Variants in GGTLC1 observed in about 807,000 individuals in gnomAD.
GGTLC1 encodes the protein glutathione hydrolase light chain 1.
In GGTLC1, 14 loss-of-function variants were observed where a neutral mutation model predicts 19.5. That is an observed-to-expected ratio of 0.72 (90% confidence interval 0.47 to 1.12). The LOEUF (loss-of-function observed/expected upper bound fraction) is 1.12, where lower values mean the gene tolerates loss of function less well. Among genes scored for constraint, GGTLC1 ranks in the 50% most tolerant of loss-of-function variants. GGTLC1 has a pLI of 0.00. For synonymous variants in GGTLC1, 110 were observed against 124.2 expected (o/e 0.89, Z 0.76); for missense variants, 304 against 309.2 (o/e 0.98, Z 0.13).
chr20:23,986,653 G>C lies in GGTLC1; in HGVS notation c.-34-8C>G. The C allele has an allele frequency of 6.2e-7, 1 of 1,605,226 alleles. No homozygotes were observed. The highest frequency in any genetic ancestry group is 8.5e-7 in the Non-Finnish European group (1 of 1,175,166). ...CGAGACCCCAGAGCTGGCCTAGGGA[G>C]GTGGGGAGGGAGGGTGGGGAGGGGG... On this transcript the variant is annotated splice_region_variant and splice_polypyrimidine_tract_variant and intron_variant, in intron 1 of 5. Transcript: ENST00000335694.
chr20:23,986,312 C>T, intron 2 of GGTLC1, 109 bp from the exon 3 acceptor site: 1 of 1,604,906 alleles, frequency 6.2e-7, no homozygotes, highest in Non-Finnish European at 8.5e-7. Flanking sequence ...GATAAGCTAC[C>T]AAGGTTGGGC....
chr20:23,987,877 G>T (rs192648312), intron 1 of GGTLC1, among the ~76,000 whole-genome samples: 5,052 of 146,862 alleles, frequency 0.034, 92 homozygotes, highest in Non-Finnish European at 0.051. Flanking sequence ...GTGAAACCCC[G>T]TCTCTACTAA....
chr20:23,986,695 C>T (rs1987947511), intron 1 of GGTLC1, 50 bp from the exon 2 acceptor site: 13 of 1,557,326 alleles, frequency 8.3e-6, no homozygotes, highest in Non-Finnish European at 1.1e-5. Context: ...TCTCAGAAGG[C>T]CCCTGACTGT....
At chr20:23,987,091 G>A (rs1181002094) in intron 1 of GGTLC1, among the ~76,000 whole-genome samples, 2 of 152,314 alleles carry the variant, frequency 1.3e-5, no homozygotes, top group East Asian at 1.9e-4. Flanking sequence ...GAGGCAATGT[G>A]TGAAAAGAGC....
rs750722593 is a variant in GGTLC1 at position 23,986,388 on chromosome 20, C to A, written c.176+48G>T. The A allele has an allele frequency of 2.5e-6, 4 of 1,605,646 alleles. No individual in the cohort carries two copies. In the Admixed American group the frequency reaches 6.8e-5, roughly 27 times the overall value. On this transcript the variant is annotated intron_variant, in intron 2 of 5. Coordinates refer to ENST00000335694, the MANE Select transcript of GGTLC1 (RefSeq NM_178311.3). ...ACTGGATAAGTGGGCAGTCCCTGAG[C>A]CACCCTCCCCTGGCCCTTTCCCACC...
At position 23,985,655 on chromosome 20, in the gene GGTLC1, C is replaced by A. The variant is rs193141537; in HGVS notation, c.531+12G>T. 2,433 of 1,611,812 alleles carry A rather than the reference C, an allele frequency of 1.5e-3. 2 individuals carry two copies. Among genetic ancestry groups the A allele is most frequent in the Non-Finnish European group, 1.9e-3 (2,242 of 1,179,876 alleles). On this transcript the variant is annotated intron_variant, in intron 5 of 5. Transcript: ENST00000335694. ...CCACACCGTGACTCAGTTTCTCCAA[C>A]CCCCAGCCCACCTGGTCAATGTTTC...
At position 23,985,759 on chromosome 20, in the gene GGTLC1, A is replaced by T; in HGVS notation, c.439T>A (p.Phe147Ile). The change falls in exon 5 of 6, where the codon TTC (phenylalanine) becomes ATC (isoleucine). Residue 147 changes from phenylalanine (F) to isoleucine (I), a missense_variant. Physicochemically the swap from Phe to Ile is conservative, Grantham distance 21. Coordinates refer to ENST00000335694, the MANE Select transcript of GGTLC1 (RefSeq NM_178311.3). ...TALAIIYNLW[F>I]GYDVKWAVEE... ...ACGGCCCACTTCACGTCATAGCCGAACCAGAGGTTGTAGATGATGGCCTGG... is the reference window on the plus strand; with the variant it reads ...ACGGCCCACTTCACGTCATAGCCGATCCAGAGGTTGTAGATGATGGCCTGG... The T allele has an allele frequency of 6.2e-7, 1 of 1,612,028 alleles. No homozygotes were observed. The highest frequency in any genetic ancestry group is 8.5e-7 in the Non-Finnish European group (1 of 1,179,850).
At chr20:23,987,071 C>T (rs553664428) in intron 1 of GGTLC1, among the ~76,000 whole-genome samples, 1 of 152,274 alleles carries the variant, frequency 6.6e-6, no homozygotes. Context: ...TTAGGGAGAG[C>T]TTCTCAGAGG....
chr20:23,987,719 G>A (rs1183250279), intron 1 of GGTLC1, among the ~76,000 whole-genome samples: 13 of 151,636 alleles, frequency 8.6e-5, no homozygotes, highest in Admixed American at 2.0e-4. Context: ...CCCGAAGGCC[G>A]AAGAAAATGC....
At position 23,986,172 on chromosome 20, in the gene GGTLC1, C is replaced by T. The variant is rs773766427; in HGVS notation, c.208G>A (p.Gly70Arg). Residue 70 changes from glycine (G) to arginine (R), a missense_variant, in exon 3 of 6, where the codon GGG becomes AGG. By Grantham distance (125) the Gly-to-Arg change is moderately radical (BLOSUM62 -2). Transcript: ENST00000335694. ...FGSKVRSPVS[G>R]ILLNNEMDDF... ...TCCATTTCATTATTGAGCAGGATCCCGCTGACTGGGGAGCGCACCTTGGAG... is the reference window on the plus strand; with the variant it reads ...TCCATTTCATTATTGAGCAGGATCCTGCTGACTGGGGAGCGCACCTTGGAG... The T allele has an allele frequency of 1.2e-5, 20 of 1,613,158 alleles. No homozygotes were observed. The highest frequency in any genetic ancestry group is 4.4e-5 in the South Asian group (4 of 90,956).
chr20:23,987,088 T>C (rs6036597), intron 1 of GGTLC1, among the ~76,000 whole-genome samples: 147,722 of 152,220 alleles, frequency 0.97, 71,707 homozygotes, highest in East Asian at 1. Context: ...GAGGAGGCAA[T>C]GTGTGAAAAG....
Position 23,986,433 on chromosome 20 carries a change from T to A in GGTLC1, c.176+3A>T. Reference sequence around the variant, plus strand: ...CCCACCCAGGCGGCCCAGCAGCCCCTACTAGAGGTTGATGGTGCTGGTGGC... The same window carrying A: ...CCCACCCAGGCGGCCCAGCAGCCCCAACTAGAGGTTGATGGTGCTGGTGGC... On this transcript the variant is annotated splice_donor_region_variant and intron_variant, in intron 2 of 5. Coordinates refer to ENST00000335694, the MANE Select transcript of GGTLC1 (RefSeq NM_178311.3). 6.2e-7 allele frequency: 1 copy of A among 1,611,574 alleles called. No individual in the cohort carries two copies.
In GGTLC1 at chr20:23,985,218, A is replaced by G. The variant is rs777793056; in HGVS notation, c.676T>C (p.Ter226ArgextTer31). Residue 226 changes from the stop codon to arginine, a stop_lost, in exon 6 of 6, where the codon TGA (stop) becomes CGA (arginine). Transcript: ENST00000335694. ...TCAGCCTTGTCCGCCTGGAGCAATC[A>G]GTAGCCAGCAGGTTCCCCACCTTTC... ...SRKGGEPAGY[*>R] 42 of 1,611,942 alleles carry G rather than the reference A, an allele frequency of 2.6e-5. No individual in the cohort carries two copies. The highest frequency in any genetic ancestry group is 3.6e-5 in the Non-Finnish European group (42 of 1,179,872).
In GGTLC1 at chr20:23,985,506, T is replaced by C. The variant is rs549088168; in HGVS notation, c.532-144A>G. Reference sequence around the variant, plus strand: ...GCAGGTTGGGGCCTGCTGGGTCTCATTGGAGCAAGGGGTTTGGCCCTCATG... The same window carrying C: ...GCAGGTTGGGGCCTGCTGGGTCTCACTGGAGCAAGGGGTTTGGCCCTCATG... On this transcript the variant is annotated intron_variant, in intron 5 of 5. Coordinates refer to ENST00000335694, the MANE Select transcript of GGTLC1 (RefSeq NM_178311.3). The C allele has an allele frequency of 3.3e-5, 52 of 1,594,446 alleles. No homozygotes were observed. In the East Asian group the frequency reaches 6.3e-4, roughly 19 times the overall value.
intron 1 of GGTLC1, among the ~76,000 whole-genome samples, chr20:23,987,863 C>A (rs1447512312): frequency 2.7e-5 from 4 of 148,958 alleles, no homozygotes; most frequent in Non-Finnish European, 5.9e-5. Context: ...TCCTGGCTAA[C>A]ACAGTGAAAC....
intron 4 of GGTLC1, 29 bp downstream of exon 4, chr20:23,985,833 C>T (rs3004172): frequency 0.023 from 37,482 of 1,611,964 alleles, 490 homozygotes; most frequent in Non-Finnish European, 0.027. Context: ...AGGGTGGGCA[C>T]GGCCAGGGAG....
intron 5 of GGTLC1, 138 bp from the exon 6 acceptor site, chr20:23,985,500 G>A: frequency 5.6e-6 from 9 of 1,593,152 alleles, no homozygotes; most frequent in Admixed American, 1.7e-5. Flanking sequence ...GGCCTGCTGG[G>A]TCTCATTGGA....
chr20:23,988,663 C>T lies in GGTLC1; in HGVS notation c.-89G>A, dbSNP rs1343378022. On this transcript the variant is annotated 5_prime_UTR_variant, in exon 1 of 6. Transcript: ENST00000335694. ...ACTCTGTCACCGGCGCCATTAAGTG[C>T]TCACGCGCCCACTCCCTCAGGTTTA... 1.0e-4 allele frequency: 43 copies of T among 419,016 alleles called. No homozygotes were observed. The highest frequency in any genetic ancestry group is 1.4e-4 in the Non-Finnish European group (40 of 294,126). The allele number at this position is 419,016 out of a possible 1,614,324, so 26.0% of individuals were successfully genotyped here.
At position 23,986,654 on chromosome 20, in the gene GGTLC1, G is replaced by A. The variant is rs775727038; in HGVS notation, c.-34-9C>T. The stretch of plus-strand genomic sequence containing the variant: ...GAGACCCCAGAGCTGGCCTAGGGAG[G>A]TGGGGAGGGAGGGTGGGGAGGGGGC... On this transcript the variant is annotated splice_polypyrimidine_tract_variant and intron_variant, in intron 1 of 5. Coordinates refer to ENST00000335694, the MANE Select transcript of GGTLC1 (RefSeq NM_178311.3). The A allele has an allele frequency of 5.6e-5, 90 of 1,602,426 alleles. No individual in the cohort carries two copies. The highest frequency in any genetic ancestry group is 7.1e-5 in the Non-Finnish European group (83 of 1,172,974).
Sources: gnomAD v4.1 joint callset for allele counts (sites outside exome capture counted in the v4.1 genomes callset) on GRCh38, gnomAD v4.1.1 for gene constraint, MANE v1.5 for transcripts, NCBI Gene and HGNC (gene_info 2026-07-23, HGNC 2026-07-21) for gene names.